Variants in XPO1 observed in about 807,000 individuals in gnomAD.
XPO1 encodes the protein exportin-1.
A neutral mutation model predicts 133.3 loss-of-function variants in XPO1; 5 were observed. The observed-to-expected ratio is 0.04, with a 90% CI of 0.02 to 0.08. The LOEUF is 0.08. Among genes scored for constraint, XPO1 ranks in the 10% least tolerant of loss-of-function variants. The pLI, the probability that XPO1 is intolerant of heterozygous loss-of-function variation, is 1.00. For synonymous variants in XPO1, 419 were observed against 408.2 expected (o/e 1.03, Z -0.32); for missense variants, 506 against 1,267.5 (o/e 0.40, Z 9.12).
chr2:61,532,348 C>T (rs905143461), intron 2 of XPO1, among the ~76,000 whole-genome samples: 7 of 151,984 alleles, frequency 4.6e-5, no homozygotes, highest in Admixed American at 1.3e-4. Context: ...AGGATGGTCT[C>T]GATCTCCTGA....
intron 4 of XPO1, among the ~76,000 whole-genome samples, chr2:61,509,059 G>A (rs1018804513): frequency 6.6e-6 from 1 of 152,052 alleles, no homozygotes; most frequent in Non-Finnish European, 1.5e-5. Flanking sequence ...GGAGTGCAAT[G>A]GTGCTATCTC....
chr2:61,502,892 C>A (rs1196164387), intron 4 of XPO1, among the ~76,000 whole-genome samples: 1 of 151,988 alleles, frequency 6.6e-6, no homozygotes, highest in Non-Finnish European at 1.5e-5. Context: ...CAGGAACAAG[C>A]CAACAAGCCC....
At chr2:61,520,963 T>C (rs1285036505) in intron 4 of XPO1, among the ~76,000 whole-genome samples, 1 of 152,082 alleles carries the variant, frequency 6.6e-6, no homozygotes, top group Non-Finnish European at 1.5e-5. Context: ...ACACTAAAGA[T>C]CCCTGAAGAA....
chr2:61,528,559 G>A (rs1442962226), intron 2 of XPO1, among the ~76,000 whole-genome samples: 1 of 151,156 alleles, frequency 6.6e-6, no homozygotes, highest in Admixed American at 6.6e-5. Flanking sequence ...CTTGAATCCA[G>A]GAGCGGAGGT....
chr2:61,536,491 T>G (rs1302401807), intron 1 of XPO1: 1 of 152,272 alleles, frequency 6.6e-6, no homozygotes, highest in East Asian at 1.9e-4. Flanking sequence ...CAATGCCAAT[T>G]CCTAAACAAA....
At position 61,485,800 on chromosome 2, in the gene XPO1, C is replaced by T. The variant is rs1315088867; in HGVS notation, c.2476G>A (p.Val826Ile). Residue 826 changes from valine to isoleucine, a missense_variant, in exon 20 of 25, where the codon GTT becomes ATT. Coordinates refer to ENST00000401558, the MANE Select transcript of XPO1 (RefSeq NM_003400.4). ...TAEIPQIFDA[V>I]FECTLNMINK... is the part of the protein sequence containing the mutation. ...ATCATATTCAATGTGCATTCAAAAACAGCATCAAATATTTGAGGTATTTCA... is the reference window on the plus strand; with the variant it reads ...ATCATATTCAATGTGCATTCAAAAATAGCATCAAATATTTGAGGTATTTCA... The T allele has an allele frequency of 1.2e-6, 2 of 1,612,966 alleles. No individual in the cohort carries two copies. The highest frequency in any genetic ancestry group is 2.2e-5 in the East Asian group (1 of 44,852).
intron 3 of XPO1, 66 bp from the exon 4 acceptor site, chr2:61,522,749 CA>C: frequency 8.7e-7 from 1 of 1,154,854 alleles, no homozygotes; most frequent in Non-Finnish European, 1.3e-6. Flanking sequence ...TCAGGATTCA[CA>C]AATGGACAGA....
intron 3 of XPO1, chr2:61,526,185 AAATC>A (rs1698898995): frequency 7.6e-7 from 1 of 1,315,044 alleles, no homozygotes; most frequent in Non-Finnish European, 9.7e-7. Context: ...GAAAAAAACA[AAATC>A]AGACAACCAA....
At position 61,495,532 on chromosome 2, in the gene XPO1, A is replaced by G; in HGVS notation, c.970T>C (p.Leu324=). The change falls in exon 11 of 25, where the codon TTG becomes CTG. Residue 324 remains leucine, a synonymous_variant. Transcript: ENST00000401558. Reference sequence around the variant, plus strand: ...TCCTTAAGAAAGGTGCAGAGAAACAAACTGAGATTTTGAATGAAGTTCTGT... The same window carrying G: ...TCCTTAAGAAAGGTGCAGAGAAACAGACTGAGATTTTGAATGAAGTTCTGT... ...DEQNFIQNLS[L]FLCTFLKEHD... 6.3e-7 allele frequency: 1 copy of G among 1,597,976 alleles called. No individual in the cohort carries two copies. Among genetic ancestry groups the G allele is most frequent in the Non-Finnish European group, 8.6e-7 (1 of 1,169,430 alleles).
chr2:61,482,607 G>GTT, intron 22 of XPO1, 68 bp from the exon 23 acceptor site: 2 of 1,277,370 alleles, frequency 1.6e-6, no homozygotes, highest in East Asian at 2.8e-5. Context: ...GTTTTTTTTT[G>GTT]TTTTGTTTTT....
At chr2:61,510,521 A>C (rs902047694) in intron 4 of XPO1, among the ~76,000 whole-genome samples, 1 of 152,216 alleles carries the variant, frequency 6.6e-6, no homozygotes, top group African/African-American at 2.4e-5. Context: ...GTTAAGAGAA[A>C]TGGATCTATA....
chr2:61,520,646 A>G (rs1290239600), intron 4 of XPO1, among the ~76,000 whole-genome samples: 2 of 152,228 alleles, frequency 1.3e-5, no homozygotes, highest in African/African-American at 4.8e-5. Flanking sequence ...ATCTGTCTCA[A>G]CAAAGAAGAA....
intron 18 of XPO1, 101 bp downstream of exon 18, chr2:61,488,487 T>A: frequency 7.6e-7 from 1 of 1,317,306 alleles, no homozygotes; most frequent in Non-Finnish European, 1.1e-6. Flanking sequence ...AAATGGGAGG[T>A]CTGATTTAAA....
At position 61,502,456 on chromosome 2, in the gene XPO1, T is replaced by TA. The variant is rs541416361; in HGVS notation, c.302-147dup. ...AATCCTGTCACCAGTATTGGCATTT[T>TA]AAAAAAATTCCGGCCCGGTGCGGTG... On this transcript the variant is annotated intron_variant, in intron 4 of 24. Coordinates refer to ENST00000401558, the MANE Select transcript of XPO1 (RefSeq NM_003400.4). 124 of 811,204 alleles carry TA rather than the reference T, an allele frequency of 1.5e-4. 2 individuals are homozygous for TA. The South Asian group carries it at 1.8e-3, about 12-fold the overall frequency. The allele number at this position is 811,204 out of a possible 1,614,324, so 50.3% of individuals were successfully genotyped here. A position where few individuals can be genotyped will look rare whatever the true frequency, so the allele number is the denominator to read the frequency against.
chr2:61,526,706 ATTTTT>A (rs34463563), intron 2 of XPO1, among the ~76,000 whole-genome samples, 185 bp from the exon 3 acceptor site: 46 of 134,956 alleles, frequency 3.4e-4, no homozygotes, highest in African/African-American at 1.2e-3. Flanking sequence ...ATGACTCCCA[ATTTTT>A]TTTTTTTTTT....
chr2:61,506,769 G>C (rs187012706), intron 4 of XPO1, among the ~76,000 whole-genome samples: 6 of 152,094 alleles, frequency 3.9e-5, no homozygotes, highest in South Asian at 2.1e-4. Context: ...TTTCTAAGTA[G>C]CAGAAACAGC....
At chr2:61,525,052 T>C (rs1030583497) in intron 3 of XPO1, among the ~76,000 whole-genome samples, 4 of 151,966 alleles carry the variant, frequency 2.6e-5, no homozygotes, top group African/African-American at 9.7e-5. Context: ...ATCTCCAAAC[T>C]TGAGAAATCC....
intron 4 of XPO1, among the ~76,000 whole-genome samples, chr2:61,506,976 T>C (rs1472594006): frequency 6.6e-6 from 1 of 152,044 alleles, no homozygotes; most frequent in Non-Finnish European, 1.5e-5. Context: ...ACACCTGTAA[T>C]CCCAGCACTT....
rs139799362 is a variant in XPO1 at position 61,480,894 on chromosome 2, CCAA to C, written c.3069+288_3069+290del. Among the ~76,000 whole-genome samples, 1,334 of 152,210 alleles carry C rather than the reference CCAA, an allele frequency of 8.8e-3. 19 individuals carry two copies. Among genetic ancestry groups the C allele is most frequent in the African/African-American group, 0.031 (1,274 of 41,526 alleles). On this transcript the variant is annotated intron_variant, in intron 24 of 24. Transcript: ENST00000401558. ...TGGTATAAAATTATAAAAAGAACTA[CCAA>C]CGTTTTTCTTACCCAATATTCCATT...
Sources: allele counts gnomAD v4.1 joint callset (sites outside exome capture counted in the v4.1 genomes callset), GRCh38; gene constraint gnomAD v4.1.1; transcripts MANE v1.5; gene names NCBI Gene and HGNC (gene_info 2026-07-23, HGNC 2026-07-21).